The following STX8 variants were observed in gnomAD, a reference collection of about 807,000 sequenced individuals.
The protein encoded by STX8 is syntaxin-8.
STX8 carries 23 observed loss-of-function variants against 37.5 expected under a neutral mutation model. That is an observed-to-expected ratio of 0.61 (90% CI 0.44 to 0.87). STX8 has a LOEUF of 0.87. STX8 is among the 40% of genes least tolerant of loss of function. The pLI is 0.00. For synonymous variants in STX8, 115 were observed against 99.1 expected (o/e 1.16, Z -0.95); for missense variants, 313 against 284.7 (o/e 1.10, Z -0.71).
chr17:9,421,865 T>C (rs1913443460), intron 6 of STX8, among the ~76,000 whole-genome samples: 2 of 152,050 alleles, frequency 1.3e-5, no homozygotes, highest in South Asian at 4.2e-4. Context: ...GGGGGTGAAC[T>C]TCCCCCATGC....
intron 7 of STX8, among the ~76,000 whole-genome samples, chr17:9,332,548 T>A (rs970210524): frequency 6.6e-6 from 1 of 152,196 alleles, no homozygotes; most frequent in Non-Finnish European, 1.5e-5. Context: ...TTATAATTCA[T>A]CCAAATGGAG....
At chr17:9,270,083 T>C (rs1355823179) in intron 7 of STX8, among the ~76,000 whole-genome samples, 4 of 152,238 alleles carry the variant, frequency 2.6e-5, no homozygotes, top group Admixed American at 6.5e-5. Flanking sequence ...GCCGTGTGTT[T>C]CCAATGTCTG....
At position 9,311,236 on chromosome 17, in the gene STX8, CAAAA is replaced by C. The variant is rs1217019833; in HGVS notation, c.644-60595_644-60592del. On this transcript the variant is annotated intron_variant, in intron 7 of 7. Transcript: ENST00000306357. ...TGGTAGACAGAGCAAGACTCCGTCTCAAAAAAAAAAAAAAAAAGAGGAGAAGTCA... is the reference window on the plus strand; with the variant it reads ...TGGTAGACAGAGCAAGACTCCGTCTCAAAAAAAAAAAAAGAGGAGAAGTCA... 4.7e-3 allele frequency among the ~76,000 whole-genome samples: 394 copies of C among 82,970 alleles called. 1 individual carries two copies. Among genetic ancestry groups the C allele is most frequent in the African/African-American group, 0.013 (370 of 29,012 alleles). The allele number at this position is 82,970 out of a possible 152,430, so 54.4% of individuals were successfully genotyped here. A position where few individuals can be genotyped will look rare whatever the true frequency, so the allele number is the denominator to read the frequency against.
intron 6 of STX8, among the ~76,000 whole-genome samples, chr17:9,420,390 C>G (rs765055819): frequency 2.0e-5 from 3 of 152,180 alleles, no homozygotes; most frequent in Non-Finnish European, 4.4e-5. Context: ...TAGCTCTCTT[C>G]CTTCGACCAG....
chr17:9,304,681 T>C (rs1908907777), intron 7 of STX8, among the ~76,000 whole-genome samples: 1 of 152,178 alleles, frequency 6.6e-6, no homozygotes, highest in Non-Finnish European at 1.5e-5. Flanking sequence ...TTTTCCTCTA[T>C]CAGACTGGCA....
Position 9,545,188 on chromosome 17 carries a change from C to T in STX8, c.307G>A (p.Glu103Lys), listed in dbSNP as rs201042557. 44 of 1,613,030 alleles carry T rather than the reference C, an allele frequency of 2.7e-5. No homozygotes were observed. The highest frequency in any genetic ancestry group is 2.7e-5 in the African/African-American group (2 of 74,868). Residue 103 changes from glutamate (E) to lysine (K), a missense_variant, in exon 4 of 8, where the codon GAA becomes AAA. By Grantham distance (56) the Glu-to-Lys change is moderately conservative. Coordinates refer to ENST00000306357, the MANE Select transcript of STX8 (RefSeq NM_004853.3). ...ACATCCTACCTGATTAGATCTGGTT[C>T]GGCACCCTCATTCTTAAAGGATGCC... ...LLASFKNEGAEPDLIRSSLMS... is the reference protein window; with the variant it reads ...LLASFKNEGAKPDLIRSSLMS...
chr17:9,429,974 TATATAGA>T lies in STX8; in HGVS notation c.542-51328_542-51322del, dbSNP rs1913858113. Reference sequence around the variant, plus strand: ...TATATATAATATATATATTATATATTATATAGAATATATTATATATAATATATATATT... The same window carrying T: ...TATATATAATATATATATTATATATTATATATTATATATAATATATATATT... On this transcript the variant is annotated intron_variant, in intron 6 of 7. Coordinates refer to ENST00000306357, the MANE Select transcript of STX8 (RefSeq NM_004853.3). Among the ~76,000 whole-genome samples, 2 of 234 alleles carry T rather than the reference TATATAGA, an allele frequency of 8.5e-3. 1 individual carries two copies. The highest frequency in any genetic ancestry group is 0.013 in the Non-Finnish European group (2 of 154). The allele number at this position is 234 out of a possible 152,430, so 0.2% of individuals were successfully genotyped here. A position where few individuals can be genotyped will look rare whatever the true frequency, so the allele number is the denominator to read the frequency against.
At chr17:9,455,893 A>G (rs966243292) in intron 6 of STX8, among the ~76,000 whole-genome samples, 30 of 152,314 alleles carry the variant, frequency 2.0e-4, no homozygotes, top group African/African-American at 7.2e-4. Flanking sequence ...TACGCAACCA[A>G]TAAGTCTAAT....
chr17:9,407,656 G>A (rs936262670), intron 6 of STX8, among the ~76,000 whole-genome samples: 6 of 151,390 alleles, frequency 4.0e-5, no homozygotes, highest in Admixed American at 6.6e-5. Flanking sequence ...CCAGAAAGGC[G>A]GGACAACTCA....
At chr17:9,417,216 C>A (rs552971098) in intron 6 of STX8, among the ~76,000 whole-genome samples, 1 of 152,186 alleles carries the variant, frequency 6.6e-6, no homozygotes, top group African/African-American at 2.4e-5. Flanking sequence ...ACTGCAATAA[C>A]GCTGTCTCAG....
rs115890434 is a variant in STX8, at chr17:9,312,864, G to A, written c.644-62219C>T. The stretch of plus-strand genomic sequence containing the variant: ...ATAGATCGTCAAGGTAGAATCTTGC[G>A]TCCCCAGGCATCCTCCAGGGAAATG... On this transcript the variant is annotated intron_variant, in intron 7 of 7. Transcript: ENST00000306357. Among the ~76,000 whole-genome samples the A allele has an allele frequency of 5.4e-3, 825 of 152,200 alleles. 6 individuals carry two copies. The highest frequency in any genetic ancestry group is 0.018 in the African/African-American group (736 of 41,536).
intron 6 of STX8, among the ~76,000 whole-genome samples, chr17:9,437,602 T>G (rs1048070170): frequency 6.6e-6 from 1 of 152,262 alleles, no homozygotes; most frequent in African/African-American, 2.4e-5. Flanking sequence ...TGATTTCATG[T>G]TAGGCCTCAA....
intron 7 of STX8, among the ~76,000 whole-genome samples, chr17:9,288,530 C>A (rs985503962): frequency 6.6e-6 from 1 of 151,976 alleles, no homozygotes; most frequent in East Asian, 1.9e-4. Flanking sequence ...GGCGTGGTGG[C>A]AGGCGCCTGT....
At chr17:9,542,990 G>A (rs75199773) in intron 4 of STX8, among the ~76,000 whole-genome samples, 2 of 152,120 alleles carry the variant, frequency 1.3e-5, no homozygotes, top group Admixed American at 1.3e-4. Flanking sequence ...GACTTCAGAG[G>A]TCCTCAGCCT....
At chr17:9,560,326 A>T (rs942937696) in intron 2 of STX8, among the ~76,000 whole-genome samples, 1 of 145,974 alleles carries the variant, frequency 6.9e-6, no homozygotes, top group East Asian at 2.2e-4. Context: ...TGAACCCAGG[A>T]AGCGGAGGTT....
intron 4 of STX8, among the ~76,000 whole-genome samples, chr17:9,530,470 G>A (rs999409710): frequency 1.5e-4 from 23 of 152,328 alleles, no homozygotes; most frequent in African/African-American, 5.5e-4. Context: ...AACTATAGCT[G>A]CTCCACATCC....
chr17:9,476,060 T>A (rs1322257677), intron 6 of STX8, among the ~76,000 whole-genome samples: 2 of 152,108 alleles, frequency 1.3e-5, no homozygotes, highest in Non-Finnish European at 2.9e-5. Context: ...ATGCTTGTAA[T>A]CCCAACTACT....
chr17:9,388,318 C>G (rs1345060133), intron 6 of STX8, among the ~76,000 whole-genome samples: 3 of 151,484 alleles, frequency 2.0e-5, no homozygotes, highest in Non-Finnish European at 4.4e-5. Context: ...GTGATCCACT[C>G]ACCTCTGTCT....
At chr17:9,293,824 C>A (rs1482491463) in intron 7 of STX8, among the ~76,000 whole-genome samples, 2 of 151,504 alleles carry the variant, frequency 1.3e-5, no homozygotes, top group Non-Finnish European at 2.9e-5. Flanking sequence ...TGCAGCGGCA[C>A]GATCTTGGCT....
Sources: allele counts gnomAD v4.1 joint callset (sites outside exome capture counted in the v4.1 genomes callset), GRCh38; gene constraint gnomAD v4.1.1; transcripts MANE v1.5; gene names NCBI Gene and HGNC (gene_info 2026-07-23, HGNC 2026-07-21).